GRIK2: variants seen among roughly 807,000 people sequenced by gnomAD.
The protein encoded by GRIK2 is glutamate ionotropic receptor kainate type subunit 2.
In GRIK2, 32 loss-of-function variants were observed where a neutral mutation model predicts 100.3. The ratio of observed to expected loss-of-function variants is 0.32; its 90% CI spans 0.24 to 0.43. The LOEUF (loss-of-function observed/expected upper bound fraction) is 0.43, where lower values mean the gene tolerates loss of function less well. Ranked by LOEUF, GRIK2 falls within the 20% of genes least tolerant of loss-of-function variation. The pLI is 1.00. For missense variants in GRIK2, 843 were observed against 1,114.9 expected (o/e 0.76, Z 3.47); for synonymous variants, 417 against 389.4 (o/e 1.07, Z -0.83).
chr6:101,711,911 G>T (rs1265323918), intron 7 of GRIK2, among the ~76,000 whole-genome samples: 1 of 151,660 alleles, frequency 6.6e-6, no homozygotes, highest in Non-Finnish European at 1.5e-5. Flanking sequence ...GTGACATTTA[G>T]AAAAGGTTCT....
chr6:101,457,638 C>A (rs1335904734), intron 2 of GRIK2, among the ~76,000 whole-genome samples: 10 of 151,990 alleles, frequency 6.6e-5, no homozygotes, highest in Admixed American at 6.6e-4. Context: ...TGAAATTATA[C>A]TTATTTGCTA....
At chr6:101,808,562 T>G (rs2128417411) in intron 9 of GRIK2, among the ~76,000 whole-genome samples, 1 of 152,070 alleles carries the variant, frequency 6.6e-6, no homozygotes, top group African/African-American at 2.4e-5. Context: ...AGGTGTAAAT[T>G]AAAATTATTC....
At chr6:101,923,836 GC>G (rs1789708958) in intron 12 of GRIK2, among the ~76,000 whole-genome samples, 1 of 149,706 alleles carries the variant, frequency 6.7e-6, no homozygotes, top group Non-Finnish European at 1.5e-5. Flanking sequence ...CAGGAGAATC[GC>G]TTGAACCCAG....
At chr6:101,534,462 T>C (rs527924066) in intron 2 of GRIK2, among the ~76,000 whole-genome samples, 1 of 152,022 alleles carries the variant, frequency 6.6e-6, no homozygotes, top group African/African-American at 2.4e-5. Context: ...ATAAGTGGTT[T>C]CAAAGTCAGC....
At chr6:101,592,014 A>G (rs370092342) in intron 2 of GRIK2, among the ~76,000 whole-genome samples, 6 of 151,924 alleles carry the variant, frequency 3.9e-5, no homozygotes, top group African/African-American at 9.6e-5. Context: ...TTCTTGCTCA[A>G]TTAGTTCATC....
intron 7 of GRIK2, among the ~76,000 whole-genome samples, chr6:101,736,081 C>G (rs1775612920): frequency 6.6e-6 from 1 of 152,090 alleles, no homozygotes; most frequent in Non-Finnish European, 1.5e-5. Flanking sequence ...TTTTTTTACT[C>G]CATGTCTCAC....
Position 101,716,507 on chromosome 6 carries a change from T to C in GRIK2, c.951+30154T>C, listed in dbSNP as rs376905194. Among the ~76,000 whole-genome samples the C allele has an allele frequency of 8.0e-5, 12 of 149,820 alleles. 2 individuals are homozygous for C. Among genetic ancestry groups the C allele is most frequent in the African/African-American group, 2.4e-4 (10 of 40,904 alleles). ...GAGTTAAACAGGTTAAAAGAATAGT[T>C]TCTTATGGACTCCACTGACAACCTA... On this transcript the variant is annotated intron_variant, in intron 7 of 16. Transcript: ENST00000369134.
rs556738114 is a variant in GRIK2 at position 102,022,229 on chromosome 6, A to C, written c.2086-13112A>C. On this transcript the variant is annotated intron_variant, in intron 14 of 16. Transcript: ENST00000369134. ...TATACATATAACTGTGTAGTATTTC[A>C]AAACAGAGTCCATAAATCATGAAAA... is the stretch of plus-strand genomic sequence containing the variant. Among the ~76,000 whole-genome samples, 208 of 151,570 alleles carry C rather than the reference A, an allele frequency of 1.4e-3. 8 individuals carry two copies. In the South Asian group the frequency reaches 0.043, roughly 31 times the overall value.
intron 14 of GRIK2, among the ~76,000 whole-genome samples, chr6:102,027,667 C>T (rs571194309): frequency 6.6e-6 from 1 of 151,100 alleles, no homozygotes; most frequent in South Asian, 2.1e-4. Flanking sequence ...AATTCTAAAT[C>T]CTTGCTTTAG....
At chr6:101,462,446 T>A (rs1417487353) in intron 2 of GRIK2, among the ~76,000 whole-genome samples, 1 of 152,150 alleles carries the variant, frequency 6.6e-6, no homozygotes, top group African/African-American at 2.4e-5. Flanking sequence ...GCTTTTTCTT[T>A]CAGCAAAAAT....
chr6:102,016,627 A>T (rs927979357), intron 14 of GRIK2, among the ~76,000 whole-genome samples: 12 of 151,940 alleles, frequency 7.9e-5, no homozygotes, highest in African/African-American at 2.9e-4. Flanking sequence ...GGGATTAGAT[A>T]AGGAGACTGA....
chr6:101,956,965 G>C (rs1791978007), intron 14 of GRIK2, among the ~76,000 whole-genome samples: 1 of 151,306 alleles, frequency 6.6e-6, no homozygotes, highest in African/African-American at 2.4e-5. Flanking sequence ...TGTAAGTTCA[G>C]GTGTCTTTTT....
chr6:102,068,267 G>A, intron 16 of GRIK2, 80 bp from the exon 17 acceptor site: 1 of 1,025,996 alleles, frequency 9.7e-7, no homozygotes, highest in Non-Finnish European at 1.4e-6. Flanking sequence ...CAAGTCTGTT[G>A]AGGATGATTT....
At chr6:101,404,965 C>T (rs917940661) in intron 2 of GRIK2, among the ~76,000 whole-genome samples, 2 of 152,148 alleles carry the variant, frequency 1.3e-5, no homozygotes, top group African/African-American at 4.8e-5. Flanking sequence ...CTTCTGCTGA[C>T]AATTTTGTAA....
At chr6:102,055,912 T>C in intron 16 of GRIK2, among the ~76,000 whole-genome samples, 1 of 151,904 alleles carries the variant, frequency 6.6e-6, no homozygotes, top group East Asian at 1.9e-4. Context: ...ATACAGTTAA[T>C]TAAGTGAGTA....
intron 4 of GRIK2, among the ~76,000 whole-genome samples, chr6:101,636,556 A>G (rs66594336): frequency 6.6e-6 from 1 of 151,994 alleles, no homozygotes; most frequent in African/African-American, 2.4e-5. Flanking sequence ...GTGAATATTT[A>G]CAAATATGTT....
rs1786912506 is a variant in GRIK2 at position 101,889,648 on chromosome 6, C to A, written c.1533C>A (p.Asp511Glu). Residue 511 changes from aspartate to glutamate, a missense_variant, in exon 12 of 17, where the codon GAC (aspartate) becomes GAA (glutamate). Asp to Glu is a conservative substitution (Grantham distance 45, BLOSUM62 2). Coordinates refer to ENST00000369134, the MANE Select transcript of GRIK2 (RefSeq NM_021956.5). ...TTTGTTTCTGTCTACAGAAAGCTGA[C>A]CTTGCAGTTGCTCCACTGGCTATTA... ...MVRELIDHKADLAVAPLAITY... is the reference protein window; with the variant it reads ...MVRELIDHKAELAVAPLAITY... The A allele has an allele frequency of 2.7e-6, 4 of 1,472,076 alleles. No individual in the cohort carries two copies. The highest frequency in any genetic ancestry group is 2.8e-6 in the Non-Finnish European group (3 of 1,067,424). 91.2% of individuals were successfully genotyped at this position (1,472,076 alleles called of 1,614,324 possible).
chr6:101,744,273 C>T (rs987634245), intron 7 of GRIK2, among the ~76,000 whole-genome samples: 7 of 151,658 alleles, frequency 4.6e-5, no homozygotes, highest in Non-Finnish European at 5.9e-5. Context: ...CCTTGCCAAC[C>T]GCTATCCTTT....
intron 2 of GRIK2, among the ~76,000 whole-genome samples, chr6:101,541,759 T>A (rs761534389): frequency 6.6e-6 from 1 of 152,058 alleles, no homozygotes; most frequent in Admixed American, 6.6e-5. Context: ...GACTCTCTGA[T>A]CTTCCAAAGC....
Sources: allele counts gnomAD v4.1 joint callset (sites outside exome capture counted in the v4.1 genomes callset), GRCh38; gene constraint gnomAD v4.1.1; transcripts MANE v1.5; gene names NCBI Gene and HGNC (gene_info 2026-07-23, HGNC 2026-07-21).